The following ABCC10 variants were observed in gnomAD, a reference collection of about 807,000 sequenced individuals.
ABCC10 encodes ATP binding cassette subfamily C member 10.
Under a neutral mutation model 143.2 loss-of-function variants are expected in ABCC10, and 110 were observed. The observed-to-expected ratio is 0.77, with a 90% CI of 0.66 to 0.90. The LOEUF is 0.90. ABCC10 is among the 40% of genes least tolerant of loss of function. The probability of loss-of-function intolerance (pLI) is 0.00; values close to 1 mark genes in which losing one functional copy is unlikely to be tolerated. For synonymous variants in ABCC10, 805 were observed against 846.7 expected, an observed-to-expected ratio of 0.95 and a Z score of 0.85; for missense variants, 1,700 against 1,900.5, an observed-to-expected ratio of 0.89 and a Z score of 1.96.
intron 1 of ABCC10, 24 bp from the exon 2 acceptor site, chr6:43,427,944 C>G: frequency 1.9e-6 from 3 of 1,611,228 alleles, no homozygotes; most frequent in East Asian, 2.2e-5. Context: ...CCTGCACAGC[C>G]GTCACCCTCA....
chr6:43,446,476 C>A (rs1435032589), intron 16 of ABCC10, 30 bp downstream of exon 16: 1 of 1,597,246 alleles, frequency 6.3e-7, no homozygotes, highest in Admixed American at 1.7e-5. Context: ...ACCCCTACCT[C>A]ATCCACAAGT....
Position 43,445,715 on chromosome 6 carries a change from C to G in ABCC10, c.3147C>G (p.Asn1049Lys), listed in dbSNP as rs375120841. 6.2e-7 allele frequency: 1 copy of G among 1,614,110 alleles called. No individual in the cohort carries two copies. The highest frequency in any genetic ancestry group is 8.5e-7 in the Non-Finnish European group (1 of 1,180,046). The change falls in exon 15 of 22, where the codon AAC (asparagine) becomes AAG (lysine). Residue 1049 changes from asparagine (N) to lysine (K), a missense_variant. Coordinates refer to ENST00000372530, the MANE Select transcript of ABCC10 (RefSeq NM_001198934.2). ...LPFILNILLA[N>K]AAGLLGLLAV... ...TCATCCTCAACATCCTCCTGGCCAA[C>G]GCGGCAGGCCTGCTGGGGCTCCTGG...
At chr6:43,442,468 G>A (rs1782572717) in intron 9 of ABCC10, among the ~76,000 whole-genome samples, 1 of 152,186 alleles carries the variant, frequency 6.6e-6, no homozygotes, top group Admixed American at 6.5e-5. Flanking sequence ...CTACTCGGGA[G>A]GCTGAGGCAG....
At chr6:43,436,692 G>T (rs998798013) in intron 6 of ABCC10, among the ~76,000 whole-genome samples, 5 of 152,184 alleles carry the variant, frequency 3.3e-5, no homozygotes, top group African/African-American at 1.2e-4. Context: ...AGCATACAAA[G>T]AACTTAAAAT....
intron 21 of ABCC10, 101 bp downstream of exon 21, chr6:43,449,635 C>A: frequency 2.0e-6 from 2 of 980,324 alleles, no homozygotes; most frequent in Non-Finnish European, 3.0e-6. Flanking sequence ...CCTTAGAGAT[C>A]CTGCCCCCCC....
In ABCC10 at chr6:43,443,129, C is replaced by G. The variant is rs368496016; in HGVS notation, c.2386C>G (p.Leu796Val). The change falls in exon 10 of 22, where the codon CTG becomes GTG. Residue 796 changes from leucine (L) to valine (V), a missense_variant. Physicochemically the swap from Leu to Val is conservative, Grantham distance 32. Coordinates refer to ENST00000372530, the MANE Select transcript of ABCC10 (RefSeq NM_001198934.2). This position sits in a 1 kb window ranked among gnomAD's most constrained non-coding sequence, Gnocchi z 4.2. ...CCTGGAGAGGGCTGACGCGGTGCTG[C>G]TGATGGAGGCCGGGCGCCTCATCCG... ...EYLERADAVL[L>V]MEAGRLIRAG... is the part of the protein sequence containing the mutation. 1 of 1,606,906 alleles carries G rather than the reference C, an allele frequency of 6.2e-7. No homozygotes were observed. The highest frequency in any genetic ancestry group is 1.3e-5 in the African/African-American group (1 of 74,954).
chr6:43,441,347 A>G (rs1008414581), intron 8 of ABCC10, among the ~76,000 whole-genome samples: 2 of 151,728 alleles, frequency 1.3e-5, no homozygotes, highest in Admixed American at 6.6e-5. Context: ...ATGGTGGCAC[A>G]CGCCTGTAGT....
rs551519784 is a variant in ABCC10 at position 43,442,485 on chromosome 6, C to T, written c.2227-485C>T. 3.9e-5 allele frequency among the ~76,000 whole-genome samples: 6 copies of T among 152,140 alleles called. No individual in the cohort carries two copies. In the South Asian group the frequency reaches 8.3e-4, roughly 21 times the overall value. ...ACTCGGGAGGCTGAGGCAGGAGAAT[C>T]GCTTGAACCCGAGAGGCAGAGGTTG... On this transcript the variant is annotated intron_variant, in intron 9 of 21. Coordinates refer to ENST00000372530, the MANE Select transcript of ABCC10 (RefSeq NM_001198934.2).
At chr6:43,441,041 T>A (rs1005957797) in intron 8 of ABCC10, among the ~76,000 whole-genome samples, 2 of 151,972 alleles carry the variant, frequency 1.3e-5, no homozygotes, top group Admixed American at 6.6e-5. Context: ...AGGCGGAGGT[T>A]GCAGTGAGCT....
Position 43,432,410 on chromosome 6 carries a change from G to T in ABCC10, c.430G>T (p.Ala144Ser), listed in dbSNP as rs746977391. The change falls in exon 3 of 22, where the codon GCT becomes TCT. Residue 144 changes from alanine to serine, a missense_variant. Physicochemically the swap from Ala to Ser is moderately conservative, Grantham distance 99. Coordinates refer to ENST00000372530, the MANE Select transcript of ABCC10 (RefSeq NM_001198934.2). ...LALALVALLP[A>S]PALVLTVLWH... ...CTTGGCCCTGGTAGCCTTGCTGCCA[G>T]CTCCAGCCCTAGTGCTGACCGTGTT... The T allele has an allele frequency of 6.8e-6, 11 of 1,611,918 alleles. No homozygotes were observed. The Admixed American group carries it at 1.5e-4, about 22-fold the overall frequency.
At position 43,447,264 on chromosome 6, in the gene ABCC10, G is replaced by C. The variant is rs117689292; in HGVS notation, c.3561G>C (p.Ser1187=). ...CTCCCCCAGGGCTGGTGGGCTTGTC[G>C]CTGTCTTATGCCCTGTCCCTGACGG... is the stretch of plus-strand genomic sequence containing the variant. ...GLANPGLVGL[S]LSYALSLTGL... Residue 1187 remains serine (S), a synonymous_variant, in exon 17 of 22, where the codon TCG becomes TCC. Coordinates refer to ENST00000372530, the MANE Select transcript of ABCC10 (RefSeq NM_001198934.2). 2 of 1,613,298 alleles carry C rather than the reference G, an allele frequency of 1.2e-6. No individual in the cohort carries two copies. The highest frequency in any genetic ancestry group is 1.7e-6 in the Non-Finnish European group (2 of 1,179,864).
At chr6:43,435,387 A>C (rs1162971029) in intron 4 of ABCC10, among the ~76,000 whole-genome samples, 2 of 152,144 alleles carry the variant, frequency 1.3e-5, no homozygotes, top group African/African-American at 4.8e-5. Context: ...ATAAAAATTA[A>C]CCAGGTGTGG....
downstream of ABCC10, chr6:43,450,882 ACAG>A: frequency 6.2e-7 from 1 of 1,614,158 alleles, no homozygotes; most frequent in Non-Finnish European, 8.5e-7. This position sits in a 1 kb window ranked among gnomAD's most constrained non-coding sequence, Gnocchi z 4.5. Flanking sequence ...AGGTACCACT[ACAG>A]CTGAGGTGGG....
chr6:43,451,035 C>T (rs146272567), downstream of ABCC10: 204 of 1,614,190 alleles, frequency 1.3e-4, 1 homozygote, highest in African/African-American at 2.3e-3. This position sits in a 1 kb window ranked among gnomAD's most constrained non-coding sequence, Gnocchi z 4.4. Context: ...CTGGCATGGG[C>T]GGCTGGCACA....
intron 17 of ABCC10, 79 bp from the exon 18 acceptor site, chr6:43,447,605 A>G (rs1470942129): frequency 6.3e-7 from 1 of 1,583,836 alleles, no homozygotes; most frequent in Non-Finnish European, 8.6e-7. Context: ...ATTTCTCATT[A>G]TTCTCCCCTC....
At chr6:43,442,040 T>C (rs1170590931) in intron 9 of ABCC10, 80 bp downstream of exon 9, 4 of 1,255,550 alleles carry the variant, frequency 3.2e-6, no homozygotes, top group Non-Finnish European at 4.6e-6. Context: ...GTTAGGAGGA[T>C]AGGAATATTT....
intron 8 of ABCC10, among the ~76,000 whole-genome samples, chr6:43,439,496 G>A (rs1050252862): frequency 1.3e-4 from 20 of 151,686 alleles, no homozygotes; most frequent in African/African-American, 4.4e-4. Context: ...TCTGCCTCCC[G>A]GGCTCAAATG....
In ABCC10 at chr6:43,433,133, G is replaced by A; in HGVS notation, c.1153G>A (p.Gly385Ser). ...PPTGEALNLL[G>S]TDSERLLNFA... is the part of the protein sequence containing the mutation. ...TACTGGGGAGGCCCTGAACCTACTA[G>A]GCACTGACTCTGAACGGCTGCTTAA... Residue 385 changes from glycine (G) to serine (S), a missense_variant, in exon 3 of 22, where the codon GGC becomes AGC. Coordinates refer to ENST00000372530, the MANE Select transcript of ABCC10 (RefSeq NM_001198934.2). The A allele has an allele frequency of 6.2e-7, 1 of 1,614,128 alleles. No homozygotes were observed. Among genetic ancestry groups the A allele is most frequent in the South Asian group, 1.1e-5 (1 of 91,088 alleles).
rs371775537 is a variant in ABCC10, at chr6:43,434,696, G to C, written c.1456G>C (p.Glu486Gln). Residue 486 changes from glutamate (E) to glutamine (Q), a missense_variant, in exon 4 of 22, where the codon GAG (glutamate) becomes CAG (glutamine). Transcript: ENST00000372530. The part of the protein sequence containing the change: ...GWEQALGARV[E>Q]ACRARELGRL... Reference sequence around the variant, plus strand: ...GGAGCAGGCACTGGGAGCCCGAGTAGAGGCCTGCCGGGCTCGAGAGCTGGG... The same window carrying C: ...GGAGCAGGCACTGGGAGCCCGAGTACAGGCCTGCCGGGCTCGAGAGCTGGG... The C allele has an allele frequency of 3.2e-5, 51 of 1,614,082 alleles. No individual in the cohort carries two copies. Among genetic ancestry groups the C allele is most frequent in the Non-Finnish European group, 4.3e-5 (51 of 1,180,032 alleles).
Sources: allele counts gnomAD v4.1 joint callset (sites outside exome capture counted in the v4.1 genomes callset), GRCh38; gene constraint gnomAD v4.1.1; non-coding constraint Gnocchi (gnomAD v3.1); transcripts MANE v1.5; gene names NCBI Gene and HGNC (gene_info 2026-07-23, HGNC 2026-07-21).